Variants in ANKRD31 observed in about 807,000 individuals in gnomAD.
ANKRD31 encodes the protein ankyrin repeat domain 31.
In ANKRD31, 147 loss-of-function variants were observed where a neutral mutation model predicts 186.0. That is an observed-to-expected ratio of 0.79 (90% CI 0.69 to 0.91). The LOEUF (loss-of-function observed/expected upper bound fraction) is 0.91, where lower values mean the gene tolerates loss of function less well. Among genes scored for constraint, ANKRD31 ranks in the 40% least tolerant of loss-of-function variants. The pLI, the probability that ANKRD31 is intolerant of heterozygous loss-of-function variation, is 0.00. For synonymous variants in ANKRD31, 673 were observed against 736.4 expected (o/e 0.91, Z 1.39); for missense variants, 1,986 against 2,148.8 (o/e 0.92, Z 1.50).
At chr5:75,099,100 A>G (rs529990788) in intron 22 of ANKRD31, among the ~76,000 whole-genome samples, 11 of 152,278 alleles carry the variant, frequency 7.2e-5, no homozygotes, top group East Asian at 1.9e-4. Flanking sequence ...TTTGAGATAC[A>G]TCCCATCGAT....
At chr5:75,159,027 CAGAA>C (rs1752397487) in intron 11 of ANKRD31, among the ~76,000 whole-genome samples, 1 of 151,114 alleles carries the variant, frequency 6.6e-6, no homozygotes, top group South Asian at 2.1e-4. Flanking sequence ...TATTAATAAA[CAGAA>C]AGTTTTAAAA....
At chr5:75,093,086 T>C (rs1746049890) in intron 22 of ANKRD31, among the ~76,000 whole-genome samples, 1 of 152,082 alleles carries the variant, frequency 6.6e-6, no homozygotes, top group Non-Finnish European at 1.5e-5. Context: ...AATGAAAATG[T>C]CTCAGAGAAA....
At chr5:75,148,767 AC>A (rs1020243398) in intron 12 of ANKRD31, 139 bp from the exon 13 acceptor site, 5 of 545,596 alleles carry the variant, frequency 9.2e-6, no homozygotes, top group African/African-American at 1.9e-5. Context: ...TAAAATTGGC[AC>A]ATACAACATT....
intron 12 of ANKRD31, among the ~76,000 whole-genome samples, chr5:75,153,141 C>T (rs1751950275): frequency 6.6e-6 from 1 of 152,062 alleles, no homozygotes; most frequent in African/African-American, 2.4e-5. Flanking sequence ...TGGCAAGTAG[C>T]TAAAGCCTTC....
intron 10 of ANKRD31, among the ~76,000 whole-genome samples, chr5:75,178,705 T>C (rs1250812655): frequency 2.0e-5 from 3 of 152,012 alleles, no homozygotes; most frequent in African/African-American, 7.2e-5. Context: ...AGACACAACA[T>C]ACCAGAATCT....
At chr5:75,176,735 G>A (rs1357506497) in intron 10 of ANKRD31, among the ~76,000 whole-genome samples, 4 of 152,110 alleles carry the variant, frequency 2.6e-5, no homozygotes, top group Non-Finnish European at 5.9e-5. Flanking sequence ...CCGTCTGTAC[G>A]TCACCATCAT....
chr5:75,105,821 G>A (rs1453014762), intron 21 of ANKRD31, among the ~76,000 whole-genome samples: 1 of 152,132 alleles, frequency 6.6e-6, no homozygotes, highest in Non-Finnish European at 1.5e-5. Context: ...AGGGACTACC[G>A]AGGAAAGCAT....
chr5:75,174,004 C>T (rs1332710399), intron 10 of ANKRD31, among the ~76,000 whole-genome samples: 1 of 152,138 alleles, frequency 6.6e-6, no homozygotes, highest in African/African-American at 2.4e-5. Context: ...GTAATCAAAA[C>T]AGCATGGTAC....
At chr5:75,171,836 C>T (rs1409735792) in intron 10 of ANKRD31, among the ~76,000 whole-genome samples, 2 of 149,860 alleles carry the variant, frequency 1.3e-5, no homozygotes, top group Admixed American at 6.7e-5. Flanking sequence ...CTAATTCTGT[C>T]AAACATTTAA....
intron 17 of ANKRD31, among the ~76,000 whole-genome samples, chr5:75,130,780 C>T (rs1371025307): frequency 2.0e-5 from 3 of 152,178 alleles, no homozygotes; most frequent in African/African-American, 4.8e-5. Context: ...CTGATTGGTG[C>T]GTTTACAATC....
intron 4 of ANKRD31, among the ~76,000 whole-genome samples, chr5:75,208,947 A>T (rs1210901701): frequency 6.6e-6 from 1 of 152,182 alleles, no homozygotes; most frequent in Non-Finnish European, 1.5e-5. Flanking sequence ...CTTTATATGC[A>T]TTTTTATTCT....
intron 2 of ANKRD31, among the ~76,000 whole-genome samples, chr5:75,229,108 C>T (rs1334749214): frequency 6.6e-6 from 1 of 152,084 alleles, no homozygotes; most frequent in African/African-American, 2.4e-5. Context: ...GAGAAACAAC[C>T]TACCATTTAA....
intron 17 of ANKRD31, among the ~76,000 whole-genome samples, chr5:75,135,174 A>C: frequency 6.6e-6 from 1 of 152,206 alleles, no homozygotes; most frequent in Non-Finnish European, 1.5e-5. Flanking sequence ...CAGGGCAATC[A>C]GGTAGGAGAA....
intron 17 of ANKRD31, among the ~76,000 whole-genome samples, chr5:75,127,594 C>T (rs1749354572): frequency 6.6e-6 from 1 of 152,164 alleles, no homozygotes; most frequent in South Asian, 2.1e-4. Flanking sequence ...TATTCTTTTT[C>T]AAATTTGTCT....
intron 20 of ANKRD31, among the ~76,000 whole-genome samples, chr5:75,110,207 G>C (rs532902530): frequency 2.4e-4 from 37 of 152,198 alleles, no homozygotes; most frequent in African/African-American, 8.4e-4. Flanking sequence ...ATAGAAAAAG[G>C]CCAATGAATT....
At chr5:75,195,218 G>T (rs1755383648) in intron 7 of ANKRD31, among the ~76,000 whole-genome samples, 1 of 152,014 alleles carries the variant, frequency 6.6e-6, no homozygotes, top group Non-Finnish European at 1.5e-5. Flanking sequence ...AAATTAATGT[G>T]GGGTATCCCA....
intron 23 of ANKRD31, among the ~76,000 whole-genome samples, chr5:75,087,493 C>T (rs190307608): frequency 6.6e-6 from 1 of 150,696 alleles, no homozygotes; most frequent in Admixed American, 6.6e-5. Flanking sequence ...GGCAAGACAG[C>T]GAGACTCTGG....
rs113032948 is a variant in ANKRD31, at chr5:75,163,439, A to C, written c.1707+5540T>G. 2.6e-3 allele frequency among the ~76,000 whole-genome samples: 393 copies of C among 152,322 alleles called. 2 individuals carry two copies. Among genetic ancestry groups the C allele is most frequent in the African/African-American group, 8.4e-3 (350 of 41,574 alleles). On this transcript the variant is annotated intron_variant, in intron 11 of 25. Transcript: ENST00000506364. The stretch of plus-strand genomic sequence containing the variant: ...TATTACCCTTTGTGGATGTGCTTGC[A>C]TGAAGGAATCTGGGCATGTCCAGAA...
intron 22 of ANKRD31, among the ~76,000 whole-genome samples, chr5:75,101,912 T>C (rs1377703959): frequency 6.6e-6 from 1 of 152,246 alleles, no homozygotes; most frequent in Non-Finnish European, 1.5e-5. Context: ...TTACCGATTG[T>C]CTGAAGCCTT....
Sources: allele counts gnomAD v4.1 joint callset (sites outside exome capture counted in the v4.1 genomes callset), GRCh38; gene constraint gnomAD v4.1.1; transcripts MANE v1.5; gene names NCBI Gene and HGNC (gene_info 2026-07-23, HGNC 2026-07-21).